SGTA: variants seen among roughly 807,000 people sequenced by gnomAD.
SGTA encodes small glutamine rich tetratricopeptide repeat co-chaperone alpha, also known as small glutamine-rich tetratricopeptide repeat-containing protein alpha.
In SGTA, 22 loss-of-function variants were observed where a neutral mutation model predicts 44.3. That is an observed-to-expected ratio of 0.50 (90% CI 0.36 to 0.71). The LOEUF (loss-of-function observed/expected upper bound fraction) is 0.71, where lower values mean the gene tolerates loss of function less well. SGTA is among the 30% of genes least tolerant of loss of function. The probability of loss-of-function intolerance (pLI) is 0.00; values close to 1 mark genes in which losing one functional copy is unlikely to be tolerated. For missense variants in SGTA, 341 were observed against 435.9 expected (o/e 0.78, Z 1.94); for synonymous variants, 174 against 177.6 (o/e 0.98, Z 0.16).
rs745955757 is a variant in SGTA at position 2,767,554 on chromosome 19, G to A, written c.207+26C>T. Reference sequence around the variant, plus strand: ...TGTTGCTGTTCTTATTTTGGGGGCAGTGGCTGGGGAAGCATCGAGGCTCAC... The same window carrying A: ...TGTTGCTGTTCTTATTTTGGGGGCAATGGCTGGGGAAGCATCGAGGCTCAC... On this transcript the variant is annotated intron_variant, in intron 3 of 11. Transcript: ENST00000221566. This position sits in a 1 kb window ranked among gnomAD's most constrained non-coding sequence, Gnocchi z 7.3. 1 of 1,584,930 alleles carries A rather than the reference G, an allele frequency of 6.3e-7. No homozygotes were observed.
At position 2,755,828 on chromosome 19, in the gene SGTA, GTC is replaced by G; in HGVS notation, c.*110_*111del. Reference sequence around the variant, plus strand: ...ATCCATCTTGACATGCAGGTCCGAGGTCTCTCTCTTCCCCTCTCTCAGGCAGT... The same window carrying G: ...ATCCATCTTGACATGCAGGTCCGAGGTCTCTCTTCCCCTCTCTCAGGCAGT... On this transcript the variant is annotated 3_prime_UTR_variant, in exon 12 of 12. Transcript: ENST00000221566. The surrounding 1 kb of genome is among the most constrained non-coding windows in gnomAD (Gnocchi z 5.2). 2 of 985,556 alleles carry G rather than the reference GTC, an allele frequency of 2.0e-6. No individual in the cohort carries two copies. The highest frequency in any genetic ancestry group is 1.1e-4 in the East Asian group (1 of 8,814). 61.1% of individuals were successfully genotyped at this position (985,556 alleles called of 1,614,324 possible).
At chr19:2,768,366 G>A (rs1915208669) in intron 2 of SGTA, among the ~76,000 whole-genome samples, 1 of 152,226 alleles carries the variant, frequency 6.6e-6, no homozygotes, top group Admixed American at 6.5e-5. Flanking sequence ...GTCACTGGGT[G>A]TCCATGCTAC....
At chr19:2,771,606 G>A (rs535203943) in intron 1 of SGTA, among the ~76,000 whole-genome samples, 1 of 150,362 alleles carries the variant, frequency 6.7e-6, no homozygotes, top group Non-Finnish European at 1.5e-5. Flanking sequence ...GAGACCAGGC[G>A]TGCACAACGC....
chr19:2,757,606 A>G, intron 10 of SGTA, 87 bp downstream of exon 10: 1 of 1,443,584 alleles, frequency 6.9e-7, no homozygotes, highest in Non-Finnish European at 9.2e-7. Flanking sequence ...CAGGGGACGC[A>G]GCACTTTCGC....
At position 2,762,663 on chromosome 19, in the gene SGTA, G is replaced by A; in HGVS notation, c.498-19C>T. 3.7e-6 allele frequency: 6 copies of A among 1,613,258 alleles called. No homozygotes were observed. Among genetic ancestry groups the A allele is most frequent in the Non-Finnish European group, 5.1e-6 (6 of 1,179,828 alleles). On this transcript the variant is annotated intron_variant, in intron 6 of 11. Coordinates refer to ENST00000221566, the MANE Select transcript of SGTA (RefSeq NM_003021.4). ...CGCCAGGCTGGAGGAGAGCACCGGG[G>A]ATGGACTGTTCCCATCTGCCCAGCT...
At chr19:2,757,093 G>C (rs986332333) in intron 11 of SGTA, among the ~76,000 whole-genome samples, 1 of 152,312 alleles carries the variant, frequency 6.6e-6, no homozygotes, top group East Asian at 1.9e-4. Flanking sequence ...CCACAGATGG[G>C]AAAGGAGTGG....
intron 5 of SGTA, among the ~76,000 whole-genome samples, chr19:2,764,491 G>A (rs565909850): frequency 1.1e-4 from 17 of 151,914 alleles, no homozygotes; most frequent in Middle Eastern, 3.4e-3. Context: ...TCTGCCTCCC[G>A]GGTTCAAGTG....
intron 6 of SGTA, among the ~76,000 whole-genome samples, 162 bp from the exon 7 acceptor site, chr19:2,762,806 G>C (rs558575661): frequency 6.6e-6 from 1 of 152,224 alleles, no homozygotes; most frequent in African/African-American, 2.4e-5. Context: ...GCTTTCGAGG[G>C]GCCCAGGGGC....
intron 11 of SGTA, among the ~76,000 whole-genome samples, chr19:2,756,553 T>G (rs1006852867): frequency 1.3e-5 from 2 of 150,998 alleles, no homozygotes; most frequent in East Asian, 3.9e-4. Context: ...TGAAAGAGAG[T>G]GTATATGAGG....
In SGTA at chr19:2,763,017, C is replaced by T. The variant is rs1009476673; in HGVS notation, c.498-373G>A. Among the ~76,000 whole-genome samples the T allele has an allele frequency of 2.0e-5, 3 of 151,858 alleles. No individual in the cohort carries two copies. The highest frequency in any genetic ancestry group is 4.8e-5 in the African/African-American group (2 of 41,260). ...AAGGACCCTCGGAACCTCTGAGCGA[C>T]AGACATGTCTCCCGTCATCCACAAG... is the stretch of plus-strand genomic sequence containing the variant. On this transcript the variant is annotated intron_variant, in intron 6 of 11. Coordinates refer to ENST00000221566, the MANE Select transcript of SGTA (RefSeq NM_003021.4). This position sits in a 1 kb window ranked among gnomAD's most constrained non-coding sequence, Gnocchi z 5.8.
chr19:2,771,716 G>A (rs1915315683), intron 1 of SGTA, among the ~76,000 whole-genome samples: 3 of 152,240 alleles, frequency 2.0e-5, no homozygotes, highest in Admixed American at 1.3e-4. Context: ...AACGCTGCCC[G>A]GCTGTGCAGT....
At chr19:2,779,519 C>G (rs1419877688) in intron 1 of SGTA, among the ~76,000 whole-genome samples, 1 of 152,214 alleles carries the variant, frequency 6.6e-6, no homozygotes, top group Non-Finnish European at 1.5e-5. Flanking sequence ...ACAATCACAA[C>G]TTGTAGGGTT....
At chr19:2,775,781 C>T (rs764662224) in intron 1 of SGTA, among the ~76,000 whole-genome samples, 2 of 152,128 alleles carry the variant, frequency 1.3e-5, no homozygotes, top group Non-Finnish European at 2.9e-5. Flanking sequence ...GTTGCACAAC[C>T]CTGTGAAGGC....
At chr19:2,773,329 G>A (rs1915360255) in intron 1 of SGTA, among the ~76,000 whole-genome samples, 1 of 16,994 alleles carries the variant, frequency 5.9e-5, no homozygotes, top group Non-Finnish European at 8.7e-5. Context: ...CGGGGACACC[G>A]AGGGCAGAGG....
chr19:2,761,802 C>T lies in SGTA; in HGVS notation c.637-280G>A, dbSNP rs543590821. Among the ~76,000 whole-genome samples the T allele has an allele frequency of 2.5e-4, 37 of 145,612 alleles. No individual in the cohort carries two copies. The highest frequency in any genetic ancestry group is 4.7e-4 in the Admixed American group (7 of 14,792). ...CCCGCACAGCGCGACCGCCCGGGGA[C>T]GGCACAGTCTATCATCCCGTGTTTA... On this transcript the variant is annotated intron_variant, in intron 7 of 11. Coordinates refer to ENST00000221566, the MANE Select transcript of SGTA (RefSeq NM_003021.4). The surrounding 1 kb of genome is among the most constrained non-coding windows in gnomAD (Gnocchi z 5.7).
At chr19:2,766,987 G>A (rs1024046284) in intron 4 of SGTA, 149 bp downstream of exon 4, 15 of 676,386 alleles carry the variant, frequency 2.2e-5, no homozygotes, top group African/African-American at 1.1e-4. Context: ...TCCCCCTTCC[G>A]TCCCCGTCCC....
chr19:2,780,880 T>C (rs1915558802), intron 1 of SGTA, among the ~76,000 whole-genome samples: 1 of 152,178 alleles, frequency 6.6e-6, no homozygotes, highest in South Asian at 2.1e-4. Context: ...AACCCAGGAG[T>C]TTGAGACCAG....
At position 2,767,806 on chromosome 19, in the gene SGTA, A is replaced by G; in HGVS notation, c.101-120T>C. The G allele has an allele frequency of 1.3e-6, 1 of 748,358 alleles. No individual in the cohort carries two copies. The highest frequency in any genetic ancestry group is 2.3e-6 in the Non-Finnish European group (1 of 427,332). 46.4% of individuals were successfully genotyped at this position (748,358 alleles called of 1,614,324 possible). On this transcript the variant is annotated intron_variant, in intron 2 of 11. Transcript: ENST00000221566. This position sits in a 1 kb window ranked among gnomAD's most constrained non-coding sequence, Gnocchi z 7.3. ...AGGTGTGTTCATTCCCAAGGACCCC[A>G]GAACGCAGGGGCCGCCGCCTGTGCT...
intron 1 of SGTA, among the ~76,000 whole-genome samples, chr19:2,780,922 A>C (rs1915559827): frequency 6.6e-6 from 1 of 152,092 alleles, no homozygotes; most frequent in Non-Finnish European, 1.5e-5. Flanking sequence ...CCATCTCTAA[A>C]ACAAAATACA....
Sources: gnomAD v4.1 joint callset for allele counts (sites outside exome capture counted in the v4.1 genomes callset) on GRCh38, gnomAD v4.1.1 for gene constraint, Gnocchi (gnomAD v3.1) non-coding constraint, MANE v1.5 for transcripts, NCBI Gene and HGNC (gene_info 2026-07-23, HGNC 2026-07-21) for gene names.